The following VAT1L variants were observed in gnomAD, a reference collection of about 807,000 sequenced individuals.
VAT1L encodes the protein putative NADPH-dependent quinone oxidoreductase VAT1L.
In VAT1L, 34 loss-of-function variants were observed where a neutral mutation model predicts 44.1. The observed-to-expected ratio is 0.77, with a 90% CI of 0.59 to 1.03. The LOEUF (loss-of-function observed/expected upper bound fraction) is 1.03, where lower values mean the gene tolerates loss of function less well. VAT1L is among the 50% of genes least tolerant of loss of function. VAT1L has a pLI of 0.00. For missense variants in VAT1L, 615 were observed against 538.8 expected (o/e 1.14, Z -1.40); for synonymous variants, 253 against 202.2 (o/e 1.25, Z -2.13).
intron 1 of VAT1L, among the ~76,000 whole-genome samples, chr16:77,789,497 C>G (rs2015793379): frequency 6.6e-6 from 1 of 152,152 alleles, no homozygotes. Flanking sequence ...CACCTCTATG[C>G]TGTTGTCCTG....
chr16:77,804,279 G>A (rs553686063), intron 1 of VAT1L, among the ~76,000 whole-genome samples: 1 of 152,168 alleles, frequency 6.6e-6, no homozygotes, highest in African/African-American at 2.4e-5. Context: ...AATACCTCCT[G>A]CTGTGTCCCG....
chr16:77,886,728 G>A (rs1311971349), intron 7 of VAT1L, among the ~76,000 whole-genome samples: 1 of 152,206 alleles, frequency 6.6e-6, no homozygotes, highest in Non-Finnish European at 1.5e-5. Flanking sequence ...GTAGCTGCCT[G>A]TCGTAATAAG....
chr16:77,940,417 C>T (rs925080554), intron 7 of VAT1L, among the ~76,000 whole-genome samples: 4 of 142,772 alleles, frequency 2.8e-5, no homozygotes, highest in African/African-American at 1.0e-4. Context: ...AGTCTTGGCT[C>T]ACTGCAACCT....
In VAT1L at chr16:77,825,305, A is replaced by G. The variant is rs1206449788; in HGVS notation, c.423A>G (p.Thr141=). The change falls in exon 3 of 9, where the codon ACA becomes ACG. Residue 141 remains threonine, a synonymous_variant. Coordinates refer to ENST00000302536, the MANE Select transcript of VAT1L (RefSeq NM_020927.3). ...ATGCCTGGGCAGAGGTGGTCTGCAC[A>G]CCAGTGGAGTTTGTCTACAAGATCC... ...NYNAWAEVVC[T]PVEFVYKIPD... The G allele has an allele frequency of 6.2e-7, 1 of 1,614,176 alleles. No homozygotes were observed. The highest frequency in any genetic ancestry group is 2.2e-5 in the East Asian group (1 of 44,868).
intron 7 of VAT1L, among the ~76,000 whole-genome samples, chr16:77,931,996 TTTCA>T (rs2017737158): frequency 6.6e-6 from 1 of 152,230 alleles, no homozygotes; most frequent in Non-Finnish European, 1.5e-5. Flanking sequence ...TGCCTTGGAT[TTTCA>T]TTCATTCATC....
intron 7 of VAT1L, among the ~76,000 whole-genome samples, chr16:77,891,801 G>T (rs970471417): frequency 6.6e-6 from 1 of 152,190 alleles, no homozygotes; most frequent in Non-Finnish European, 1.5e-5. Context: ...GGCCGGGCGC[G>T]GTGGCTCATG....
intron 3 of VAT1L, among the ~76,000 whole-genome samples, chr16:77,861,133 G>A (rs2016910479): frequency 6.6e-6 from 1 of 152,174 alleles, no homozygotes; most frequent in South Asian, 2.1e-4. Context: ...GTGATAAGAT[G>A]ACATTTCCAT....
At chr16:77,974,822 G>T (rs1314952911) in intron 8 of VAT1L, among the ~76,000 whole-genome samples, 1 of 152,052 alleles carries the variant, frequency 6.6e-6, no homozygotes, top group Non-Finnish European at 1.5e-5. Context: ...ACCTGCCTTG[G>T]CCTCCCAAAG....
At chr16:77,845,353 C>T (rs2016748012) in intron 3 of VAT1L, among the ~76,000 whole-genome samples, 2 of 152,128 alleles carry the variant, frequency 1.3e-5, no homozygotes, top group African/African-American at 4.8e-5. Context: ...CCTGAGTGTG[C>T]TCTCCCCCTC....
intron 6 of VAT1L, among the ~76,000 whole-genome samples, chr16:77,881,656 T>G (rs969693294): frequency 2.6e-5 from 4 of 152,214 alleles, no homozygotes; most frequent in Non-Finnish European, 5.9e-5. Flanking sequence ...TTTGTGAGAT[T>G]CAAATCAAAG....
chr16:77,922,844 C>G (rs1340985247), intron 7 of VAT1L, among the ~76,000 whole-genome samples: 1 of 152,210 alleles, frequency 6.6e-6, no homozygotes, highest in Non-Finnish European at 1.5e-5. Context: ...CCATGCCACT[C>G]TCACTGTGCC....
intron 7 of VAT1L, among the ~76,000 whole-genome samples, chr16:77,959,577 T>C (rs2018139859): frequency 6.6e-6 from 1 of 152,166 alleles, no homozygotes; most frequent in African/African-American, 2.4e-5. Context: ...CCCCTCTTGA[T>C]TTTTCCCCCT....
intron 3 of VAT1L, among the ~76,000 whole-genome samples, chr16:77,854,939 T>C (rs1347661701): frequency 6.6e-6 from 1 of 152,120 alleles, no homozygotes; most frequent in Admixed American, 6.5e-5. Context: ...TTTTGGGAGA[T>C]TTCTCCAAAT....
At chr16:77,939,629 C>T (rs1395389149) in intron 7 of VAT1L, among the ~76,000 whole-genome samples, 2 of 152,106 alleles carry the variant, frequency 1.3e-5, no homozygotes, top group Non-Finnish European at 2.9e-5. Context: ...AAATCTCAAA[C>T]CCTCTTGCTA....
chr16:77,862,464 A>C (rs561506154), intron 3 of VAT1L, among the ~76,000 whole-genome samples: 4 of 151,968 alleles, frequency 2.6e-5, no homozygotes, highest in Admixed American at 2.6e-4. Context: ...AAAATACAAA[A>C]AATTAACCGG....
intron 1 of VAT1L, among the ~76,000 whole-genome samples, chr16:77,789,828 G>A (rs919222496): frequency 6.6e-6 from 1 of 152,162 alleles, no homozygotes; most frequent in African/African-American, 2.4e-5. Context: ...TGAAATTCCC[G>A]GGGAGAGTTT....
At chr16:77,889,801 T>C (rs1871763050) in intron 7 of VAT1L, among the ~76,000 whole-genome samples, 1 of 152,224 alleles carries the variant, frequency 6.6e-6, no homozygotes, top group South Asian at 2.1e-4. Flanking sequence ...TAAGAGTGAA[T>C]GTTAGCCAGG....
chr16:77,971,151 C>G (rs2018274034), intron 7 of VAT1L, among the ~76,000 whole-genome samples: 1 of 152,154 alleles, frequency 6.6e-6, no homozygotes, highest in South Asian at 2.1e-4. Flanking sequence ...CTCCCCATCC[C>G]CACCTCAACA....
rs149652523 is a variant in VAT1L, at chr16:77,958,118, G to C, written c.1078-13732G>C. Among the ~76,000 whole-genome samples, 1,063 of 152,156 alleles carry C rather than the reference G, an allele frequency of 7.0e-3. 16 individuals carry two copies. Among genetic ancestry groups the C allele is most frequent in the African/African-American group, 0.024 (994 of 41,512 alleles). On this transcript the variant is annotated intron_variant, in intron 7 of 8. Transcript: ENST00000302536. ...AGATGAGCATTTGCCATGTGGGCCA[G>C]GCTGGCCTCAAACTCCTGGGCAGAA...
Sources: gnomAD v4.1 joint callset for allele counts (sites outside exome capture counted in the v4.1 genomes callset) on GRCh38, gnomAD v4.1.1 for gene constraint, MANE v1.5 for transcripts, NCBI Gene and HGNC (gene_info 2026-07-23, HGNC 2026-07-21) for gene names.